Variants in EPB41L4A observed in about 807,000 individuals in gnomAD.
The protein encoded by EPB41L4A is band 4.1-like protein 4A.
Under a neutral mutation model 108.6 loss-of-function variants are expected in EPB41L4A, and 100 were observed. That is an observed-to-expected ratio of 0.92 (90% confidence interval 0.78 to 1.09). EPB41L4A has a LOEUF of 1.09. EPB41L4A is among the 50% of genes least tolerant of loss of function. The probability of loss-of-function intolerance (pLI) is 0.00; values close to 1 mark genes in which losing one functional copy is unlikely to be tolerated. For synonymous variants in EPB41L4A, 319 were observed against 289.0 expected, an observed-to-expected ratio of 1.10 and a Z score of -1.05; for missense variants, 1,030 against 842.7, an observed-to-expected ratio of 1.22 and a Z score of -2.75.
intron 1 of EPB41L4A, among the ~76,000 whole-genome samples, chr5:112,409,272 C>T (rs73218309): frequency 0.034 from 5,144 of 152,068 alleles, 308 homozygotes; most frequent in African/African-American, 0.12. Flanking sequence ...TGAAATGTCC[C>T]GAATACACAA....
At chr5:112,203,882 C>CA (rs1481217759) in intron 15 of EPB41L4A, among the ~76,000 whole-genome samples, 1 of 151,662 alleles carries the variant, frequency 6.6e-6, no homozygotes, top group Admixed American at 6.6e-5. Flanking sequence ...ACTAAAAATA[C>CA]AAAAAAATCA....
chr5:112,171,136 G>T (rs1185816485), intron 18 of EPB41L4A, 144 bp from the exon 19 acceptor site: 4 of 684,404 alleles, frequency 5.8e-6, no homozygotes, highest in Non-Finnish European at 9.9e-6. Context: ...GAGAGCCATT[G>T]TGATGGTTAG....
intron 1 of EPB41L4A, among the ~76,000 whole-genome samples, chr5:112,368,895 C>CA (rs1162304413): frequency 3.3e-5 from 5 of 152,128 alleles, no homozygotes; most frequent in African/African-American, 9.7e-5. Flanking sequence ...TCTGCCTTCT[C>CA]ACTCCTCTGT....
intron 17 of EPB41L4A, among the ~76,000 whole-genome samples, chr5:112,189,326 A>C (rs1457977106): frequency 6.6e-6 from 1 of 152,230 alleles, no homozygotes; most frequent in East Asian, 1.9e-4. Context: ...GGAACTTCAC[A>C]AACCTCTAGT....
At chr5:112,190,619 T>C (rs1761649571) in intron 17 of EPB41L4A, among the ~76,000 whole-genome samples, 1 of 152,228 alleles carries the variant, frequency 6.6e-6, no homozygotes, top group Non-Finnish European at 1.5e-5. Context: ...TACGTGGCTC[T>C]GTACTTCAAA....
rs1580409265 is a variant in EPB41L4A at position 112,195,779 on chromosome 5, G to C, written c.1377-71C>G. ...TTGGCTAAGGAAAGCACACCAAAAT[G>C]AGTTTCACTTCAGTTAACACATATT... On this transcript the variant is annotated intron_variant, in intron 15 of 22. Coordinates refer to ENST00000261486, the MANE Select transcript of EPB41L4A (RefSeq NM_022140.5). 4 of 1,343,460 alleles carry C rather than the reference G, an allele frequency of 3.0e-6. No homozygotes were observed. The East Asian group carries it at 9.2e-5, about 31-fold the overall frequency. The allele number at this position is 1,343,460 out of a possible 1,614,324, so 83.2% of individuals were successfully genotyped here.
chr5:112,148,168 C>A (rs1759335573), intron 12 of EPB41L4A, among the ~76,000 whole-genome samples: 1 of 147,024 alleles, frequency 6.8e-6, no homozygotes, highest in Admixed American at 6.8e-5. Context: ...AATAGTATTA[C>A]TATATAATAT....
At chr5:112,153,320 T>C (rs1027353229) in intron 12 of EPB41L4A, among the ~76,000 whole-genome samples, 1 of 151,680 alleles carries the variant, frequency 6.6e-6, no homozygotes, top group Admixed American at 6.6e-5. Context: ...GGTCAAGAGA[T>C]GGAGACCATC....
intron 1 of EPB41L4A, among the ~76,000 whole-genome samples, chr5:112,410,228 C>G (rs1468337930): frequency 1.3e-5 from 2 of 151,972 alleles, no homozygotes; most frequent in Non-Finnish European, 2.9e-5. Context: ...GAGTATCAGA[C>G]AAGTATGAGG....
intron 1 of EPB41L4A, among the ~76,000 whole-genome samples, chr5:112,375,352 C>G (rs1374309074): frequency 6.7e-6 from 1 of 149,978 alleles, no homozygotes; most frequent in Non-Finnish European, 1.5e-5. Context: ...CACACACACA[C>G]ACACCCCTTC....
intron 1 of EPB41L4A, among the ~76,000 whole-genome samples, chr5:112,339,632 C>T (rs1376295494): frequency 6.6e-6 from 1 of 151,074 alleles, no homozygotes; most frequent in Non-Finnish European, 1.5e-5. Context: ...CTCCTGGGTT[C>T]AAGCGATTCC....
At chr5:112,318,787 G>C (rs548545213) in intron 1 of EPB41L4A, among the ~76,000 whole-genome samples, 1 of 152,302 alleles carries the variant, frequency 6.6e-6, no homozygotes, top group East Asian at 1.9e-4. Context: ...TCACAAAGAA[G>C]AGTTAAAGCA....
chr5:112,385,303 G>GA (rs1237233948), intron 1 of EPB41L4A, among the ~76,000 whole-genome samples: 3 of 152,034 alleles, frequency 2.0e-5, no homozygotes, highest in Non-Finnish European at 4.4e-5. Context: ...GGGAAGTTTG[G>GA]AAAAAGTCCA....
rs1435114537 is a variant in EPB41L4A, at chr5:112,312,687, C to A, written c.100-5197G>T. Reference sequence around the variant, plus strand: ...TAGCTATTGGGGTGGAGGTACATATCACCAGCTCACACTTCTGTCCATTCT... The same window carrying A: ...TAGCTATTGGGGTGGAGGTACATATAACCAGCTCACACTTCTGTCCATTCT... On this transcript the variant is annotated intron_variant, in intron 1 of 22. Coordinates refer to ENST00000261486, the MANE Select transcript of EPB41L4A (RefSeq NM_022140.5). 5.3e-5 allele frequency among the ~76,000 whole-genome samples: 8 copies of A among 152,320 alleles called. 1 individual carries two copies. In the South Asian group the frequency reaches 1.5e-3, roughly 28 times the overall value.
intron 9 of EPB41L4A, chr5:112,249,563 G>A (rs1750509243): frequency 6.6e-6 from 1 of 152,054 alleles, no homozygotes; most frequent in Admixed American, 6.6e-5. Flanking sequence ...TGTTTTAATG[G>A]CTTTCCTCAT....
intron 1 of EPB41L4A, among the ~76,000 whole-genome samples, chr5:112,339,534 A>ATAGATC: frequency 8.8e-6 from 1 of 113,142 alleles, no homozygotes; most frequent in Non-Finnish European, 1.7e-5. Context: ...ATATCTATAT[A>ATAGATC]TATATATATT....
intron 12 of EPB41L4A, among the ~76,000 whole-genome samples, chr5:112,220,248 A>T (rs1747953852): frequency 6.6e-6 from 1 of 152,222 alleles, no homozygotes; most frequent in South Asian, 2.1e-4. Flanking sequence ...TCTAACAGTG[A>T]TATATTATCC....
At chr5:112,255,366 A>T (rs145626600) in intron 9 of EPB41L4A, among the ~76,000 whole-genome samples, 1 of 152,150 alleles carries the variant, frequency 6.6e-6, no homozygotes, top group East Asian at 1.9e-4. Context: ...TTCTGGGTTA[A>T]TTTCTTTTTC....
At chr5:112,388,176 C>T (rs757916421) in intron 1 of EPB41L4A, among the ~76,000 whole-genome samples, 7 of 152,188 alleles carry the variant, frequency 4.6e-5, no homozygotes, top group Non-Finnish European at 8.8e-5. Context: ...TTACAGCCAG[C>T]AATTTTTCAC....
Sources: allele counts gnomAD v4.1 joint callset (sites outside exome capture counted in the v4.1 genomes callset), GRCh38; gene constraint gnomAD v4.1.1; transcripts MANE v1.5; gene names NCBI Gene and HGNC (gene_info 2026-07-23, HGNC 2026-07-21).